The following NTRK3 variants were observed in gnomAD, a reference collection of about 807,000 sequenced individuals.
The protein encoded by NTRK3 is NT-3 growth factor receptor.
A neutral mutation model predicts 91.7 loss-of-function variants in NTRK3; 24 were observed. The ratio of observed to expected loss-of-function variants is 0.26; its 90% CI spans 0.19 to 0.37. The LOEUF (loss-of-function observed/expected upper bound fraction) is 0.37, where lower values mean the gene tolerates loss of function less well. NTRK3 is among the 10% of genes least tolerant of loss of function. The probability of loss-of-function intolerance (pLI) is 1.00; values close to 1 mark genes in which losing one functional copy is unlikely to be tolerated. For missense variants in NTRK3, 880 were observed against 1,068.9 expected (o/e 0.82, Z 2.46); for synonymous variants, 483 against 404.0 (o/e 1.20, Z -2.34).
At chr15:87,951,802 T>A (rs1414327451) in intron 14 of NTRK3, among the ~76,000 whole-genome samples, 1 of 152,188 alleles carries the variant, frequency 6.6e-6, no homozygotes, top group African/African-American at 2.4e-5. Flanking sequence ...AGAATCCCCA[T>A]GTGGGGTCCT....
exon 19 of NTRK3, chr15:87,870,181 TACACACACAC>T (rs58874538): frequency 3.6e-4 from 61 of 168,226 alleles, no homozygotes; most frequent in Non-Finnish European, 4.5e-4. Context: ...GAAACTGTGG[TACACACACAC>T]ACACACACAC....
intron 13 of NTRK3, among the ~76,000 whole-genome samples, chr15:88,100,816 T>G (rs1446501924): frequency 2.6e-5 from 4 of 152,182 alleles, no homozygotes; most frequent in Admixed American, 6.5e-5. Flanking sequence ...TAGCCATATG[T>G]AGAAAGCTGA....
intron 6 of NTRK3, among the ~76,000 whole-genome samples, chr15:88,138,737 T>G (rs533674023): frequency 6.6e-6 from 1 of 152,320 alleles, no homozygotes; most frequent in Non-Finnish European, 1.5e-5. Context: ...CATGCTATAT[T>G]TGTCTTTCTA....
chr15:88,228,574 C>T (rs996478816), intron 3 of NTRK3, among the ~76,000 whole-genome samples: 2 of 152,334 alleles, frequency 1.3e-5, no homozygotes, highest in African/African-American at 4.8e-5. Context: ...CCACCACAGC[C>T]TTCCTGATTC....
At chr15:88,191,938 G>A (rs912220435) in intron 3 of NTRK3, among the ~76,000 whole-genome samples, 6 of 152,214 alleles carry the variant, frequency 3.9e-5, no homozygotes, top group Admixed American at 3.3e-4. Flanking sequence ...GCAGCCAGGG[G>A]TTGGGACGGC....
chr15:88,236,961 T>C (rs538127863), intron 3 of NTRK3, among the ~76,000 whole-genome samples: 37 of 152,314 alleles, frequency 2.4e-4, no homozygotes, highest in African/African-American at 8.4e-4. Context: ...CGTGCGCATC[T>C]GTCAAAACTC....
chr15:88,105,533 T>C (rs1254509515), intron 13 of NTRK3, among the ~76,000 whole-genome samples: 4 of 152,232 alleles, frequency 2.6e-5, no homozygotes, highest in African/African-American at 9.6e-5. Flanking sequence ...TCCCTACTAT[T>C]GGTGTAGTAC....
At chr15:88,037,338 G>A (rs2142082675) in intron 13 of NTRK3, among the ~76,000 whole-genome samples, 1 of 152,296 alleles carries the variant, frequency 6.6e-6, no homozygotes, top group Middle Eastern at 3.4e-3. Context: ...GAGGTGAGCA[G>A]ATCATGTGAG....
intron 3 of NTRK3, among the ~76,000 whole-genome samples, chr15:88,192,969 T>G (rs893387389): frequency 1.3e-5 from 2 of 152,176 alleles, no homozygotes; most frequent in Non-Finnish European, 2.9e-5. Context: ...ATTATTTGAT[T>G]ATGTGTTTGT....
At chr15:87,942,875 C>T (rs1472992394) in intron 14 of NTRK3, among the ~76,000 whole-genome samples, 2 of 152,044 alleles carry the variant, frequency 1.3e-5, no homozygotes, top group African/African-American at 2.4e-5. Context: ...TATTATTTTA[C>T]AAAAAGGAGA....
chr15:88,032,105 C>T (rs908636971), intron 14 of NTRK3, among the ~76,000 whole-genome samples: 3 of 151,938 alleles, frequency 2.0e-5, no homozygotes, highest in Non-Finnish European at 4.4e-5. Context: ...GTAGGAGGAG[C>T]GGGGGTCTGC....
chr15:88,138,851 C>G (rs774873255), intron 6 of NTRK3, among the ~76,000 whole-genome samples: 23 of 152,190 alleles, frequency 1.5e-4, no homozygotes, highest in Admixed American at 2.6e-4. Flanking sequence ...GCAACATTGC[C>G]TGTTTTGTTC....
At chr15:88,030,968 G>A (rs922176418) in intron 14 of NTRK3, among the ~76,000 whole-genome samples, 4 of 152,198 alleles carry the variant, frequency 2.6e-5, no homozygotes, top group Admixed American at 6.5e-5. Flanking sequence ...CCCAAGCATC[G>A]TTCTGAAGTA....
At chr15:88,154,097 C>T (rs2043657015) in intron 5 of NTRK3, among the ~76,000 whole-genome samples, 1 of 137,544 alleles carries the variant, frequency 7.3e-6, no homozygotes, top group African/African-American at 2.9e-5. Context: ...GCACCAAGCC[C>T]ACATAGACTT....
chr15:88,221,932 C>T (rs1166181068), intron 3 of NTRK3, among the ~76,000 whole-genome samples: 3 of 152,258 alleles, frequency 2.0e-5, no homozygotes, highest in African/African-American at 7.2e-5. Flanking sequence ...TTACGCGGCA[C>T]TGCAGAGATA....
intron 5 of NTRK3, among the ~76,000 whole-genome samples, chr15:88,182,725 C>A (rs191252630): frequency 1.3e-5 from 2 of 152,332 alleles, no homozygotes; most frequent in East Asian, 3.9e-4. Context: ...ACTTTCTCCC[C>A]AGGAAATGGC....
At chr15:88,173,493 G>C (rs996614941) in intron 5 of NTRK3, among the ~76,000 whole-genome samples, 2 of 152,182 alleles carry the variant, frequency 1.3e-5, no homozygotes, top group Non-Finnish European at 2.9e-5. Context: ...CCACCTGCTC[G>C]ATCATCAGGC....
intron 13 of NTRK3, among the ~76,000 whole-genome samples, chr15:88,090,036 C>A (rs2048872560): frequency 6.6e-6 from 1 of 152,210 alleles, no homozygotes; most frequent in Non-Finnish European, 1.5e-5. Context: ...GGCCTTTGCA[C>A]TAGCAGCTCC....
intron 17 of NTRK3, among the ~76,000 whole-genome samples, chr15:87,912,271 A>G (rs1489239692): frequency 6.6e-6 from 1 of 152,128 alleles, no homozygotes; most frequent in Non-Finnish European, 1.5e-5. Context: ...AGATCATGGA[A>G]CTCAATTATT....
Sources: gnomAD v4.1 joint callset for allele counts (sites outside exome capture counted in the v4.1 genomes callset) on GRCh38, gnomAD v4.1.1 for gene constraint, MANE v1.5 for transcripts, NCBI Gene and HGNC (gene_info 2026-07-23, HGNC 2026-07-21) for gene names.